Variants in ZNF609 observed in about 807,000 individuals in gnomAD.
ZNF609 encodes zinc finger protein 609.
ZNF609 carries 11 observed loss-of-function variants against 109.5 expected under a neutral mutation model. The observed-to-expected ratio is 0.10, with a 90% confidence interval of 0.06 to 0.17. The LOEUF (loss-of-function observed/expected upper bound fraction) is 0.17, where lower values mean the gene tolerates loss of function less well. ZNF609 is among the 10% of genes least tolerant of loss of function. ZNF609 has a pLI of 1.00. For synonymous variants in ZNF609, 646 were observed against 662.0 expected, an observed-to-expected ratio of 0.98 and a Z score of 0.37; for missense variants, 1,559 against 1,772.4, an observed-to-expected ratio of 0.88 and a Z score of 2.16.
chr15:64,481,398 G>A (rs571462713), intron 1 of ZNF609, among the ~76,000 whole-genome samples: 11 of 142,626 alleles, frequency 7.7e-5, no homozygotes, highest in South Asian at 6.7e-4. Flanking sequence ...TCGGCTCACC[G>A]CAACCTCTGC....
intron 2 of ZNF609, among the ~76,000 whole-genome samples, chr15:64,574,901 G>T (rs1278413565): frequency 6.6e-6 from 1 of 152,102 alleles, no homozygotes; most frequent in Non-Finnish European, 1.5e-5. Flanking sequence ...AGGGACCTGT[G>T]GCTGTAGTTA....
At chr15:64,474,755 G>T (rs149931630) in intron 1 of ZNF609, among the ~76,000 whole-genome samples, 10 of 152,288 alleles carry the variant, frequency 6.6e-5, no homozygotes, top group South Asian at 4.1e-4. Context: ...TGCTCTGAAA[G>T]ATAAGAATTT....
chr15:64,622,704 G>A (rs138079332), intron 2 of ZNF609, 123 bp from the exon 3 acceptor site: 4 of 813,472 alleles, frequency 4.9e-6, no homozygotes, highest in South Asian at 1.6e-5. Context: ...AAGAACCAAA[G>A]TCTTATTTAT....
At chr15:64,647,994 C>T (rs1201634255) in intron 3 of ZNF609, among the ~76,000 whole-genome samples, 1 of 152,140 alleles carries the variant, frequency 6.6e-6, no homozygotes, top group Admixed American at 6.6e-5. Flanking sequence ...TGTTTCTTTT[C>T]TGGTAGAAAT....
intron 2 of ZNF609, among the ~76,000 whole-genome samples, chr15:64,569,212 G>A (rs184427469): frequency 6.6e-6 from 1 of 152,216 alleles, no homozygotes; most frequent in African/African-American, 2.4e-5. Context: ...TCATATCATG[G>A]TGTTTGATTT....
chr15:64,510,073 T>C (rs2140357098), intron 2 of ZNF609, among the ~76,000 whole-genome samples: 1 of 152,316 alleles, frequency 6.6e-6, no homozygotes, highest in African/African-American at 2.4e-5. Flanking sequence ...CCCCATTTCA[T>C]CTCATCCCAT....
chr15:64,585,735 T>C (rs1895184228), intron 2 of ZNF609, among the ~76,000 whole-genome samples: 1 of 152,236 alleles, frequency 6.6e-6, no homozygotes. Context: ...CAAGCATGAC[T>C]TTATTACTTC....
chr15:64,512,116 G>A (rs565485176), intron 2 of ZNF609, among the ~76,000 whole-genome samples: 1 of 152,040 alleles, frequency 6.6e-6, no homozygotes, highest in African/African-American at 2.4e-5. Context: ...CAGTGTACAG[G>A]ATGCTTATGT....
At chr15:64,659,334 G>A (rs1896540831) in intron 3 of ZNF609, among the ~76,000 whole-genome samples, 1 of 152,186 alleles carries the variant, frequency 6.6e-6, no homozygotes, top group African/African-American at 2.4e-5. Flanking sequence ...CCTTTGGTTA[G>A]TAGCTATAGA....
At position 64,609,064 on chromosome 15, in the gene ZNF609, T is replaced by TTTTCTTTCTTTCTCTTTC. The variant is rs1555422612; in HGVS notation, c.748-13750_748-13749insCTTTCTTTCTTTCTTTCT. On this transcript the variant is annotated intron_variant, in intron 2 of 9. Coordinates refer to ENST00000326648, the MANE Select transcript of ZNF609 (RefSeq NM_015042.2). The stretch of plus-strand genomic sequence containing the variant: ...GTTACTTGCATGTTTTAGTTTTAAT[T>TTTTCTTTCTTTCTCTTTC]TTTCTTTCTTTCTTTCTTTCTTTCT... 3.1e-3 allele frequency among the ~76,000 whole-genome samples: 364 copies of TTTTCTTTCTTTCTCTTTC among 119,092 alleles called. 7 individuals carry two copies. The highest frequency in any genetic ancestry group is 0.012 in the African/African-American group (348 of 30,128). 78.1% of individuals were successfully genotyped at this position (119,092 alleles called of 152,430 possible).
intron 2 of ZNF609, among the ~76,000 whole-genome samples, chr15:64,600,098 A>C (rs1381133711): frequency 6.6e-6 from 1 of 152,168 alleles, no homozygotes; most frequent in Non-Finnish European, 1.5e-5. Flanking sequence ...CAAGGTGGGC[A>C]GATAAGTCCA....
At chr15:64,646,939 C>CA (rs10628744) in intron 3 of ZNF609, among the ~76,000 whole-genome samples, 19,685 of 59,268 alleles carry the variant, frequency 0.33, 3,242 homozygotes, top group Admixed American at 0.41. Context: ...GACTCTGTCT[C>CA]AAAAAAAAAA....
At chr15:64,574,049 T>TA (rs1403755130) in intron 2 of ZNF609, among the ~76,000 whole-genome samples, 6 of 152,064 alleles carry the variant, frequency 3.9e-5, no homozygotes, top group African/African-American at 1.4e-4. Context: ...TTGCCCCTGC[T>TA]AAAAAACTAC....
rs144783059 is a variant in ZNF609, at chr15:64,564,692, A to G, written c.748-58135A>G. ...AATTAGGTGAAGAGAAGTATAACCT[A>G]TTTCAGTGTGGCTTCAGTCTATGGT... is the stretch of plus-strand genomic sequence containing the variant. On this transcript the variant is annotated intron_variant, in intron 2 of 9. Coordinates refer to ENST00000326648, the MANE Select transcript of ZNF609 (RefSeq NM_015042.2). Among the ~76,000 whole-genome samples, 490 of 151,860 alleles carry G rather than the reference A, an allele frequency of 3.2e-3. 1 individual carries two copies. Among genetic ancestry groups the G allele is most frequent in the Non-Finnish European group, 5.3e-3 (361 of 67,948 alleles).
rs530354049 is a variant in ZNF609 at position 64,638,653 on chromosome 15, T to C, written c.973+15601T>C. ...GCTCACACCTGTAATCCCAGCACTT[T>C]GGGAGGCTGAAGTGGACAGATTTCT... On this transcript the variant is annotated intron_variant, in intron 3 of 9. Transcript: ENST00000326648. Among the ~76,000 whole-genome samples, 3 of 152,114 alleles carry C rather than the reference T, an allele frequency of 2.0e-5. No homozygotes were observed. In the South Asian group the frequency reaches 6.2e-4, roughly 32 times the overall value.
At chr15:64,487,951 A>G (rs1436909783) in intron 1 of ZNF609, among the ~76,000 whole-genome samples, 1 of 152,132 alleles carries the variant, frequency 6.6e-6, no homozygotes, top group African/African-American at 2.4e-5. Context: ...AGGTGTTTTA[A>G]GTGTGACACT....
chr15:64,587,273 G>A (rs562201572), intron 2 of ZNF609, among the ~76,000 whole-genome samples: 128 of 152,268 alleles, frequency 8.4e-4, no homozygotes, highest in African/African-American at 2.8e-3. Context: ...GAAAGAGGTC[G>A]AGGAAAAAAT....
chr15:64,646,629 C>T (rs1218140571), intron 3 of ZNF609, among the ~76,000 whole-genome samples: 5 of 90,562 alleles, frequency 5.5e-5, no homozygotes, highest in African/African-American at 2.0e-4. Context: ...AACAAGACTC[C>T]ATCTCAAAAA....
chr15:64,576,020 C>T (rs1288274758), intron 2 of ZNF609, among the ~76,000 whole-genome samples: 7 of 151,772 alleles, frequency 4.6e-5, no homozygotes, highest in East Asian at 1.9e-4. Flanking sequence ...GAGAATGGCA[C>T]GAACCTGGGA....
Sources: allele counts gnomAD v4.1 joint callset (sites outside exome capture counted in the v4.1 genomes callset), GRCh38; gene constraint gnomAD v4.1.1; transcripts MANE v1.5; gene names NCBI Gene and HGNC (gene_info 2026-07-23, HGNC 2026-07-21).